WLS: variants seen among roughly 807,000 people sequenced by gnomAD.
The protein encoded by WLS is protein wntless homolog.
A neutral mutation model predicts 62.8 loss-of-function variants in WLS; 23 were observed. The observed-to-expected ratio is 0.37, with a 90% CI of 0.26 to 0.52. The LOEUF (loss-of-function observed/expected upper bound fraction) is 0.52. Ranked by LOEUF, WLS falls within the 20% of genes least tolerant of loss-of-function variation. The pLI, the probability that WLS is intolerant of heterozygous loss-of-function variation, is 0.92. For missense variants in WLS, 615 were observed against 697.3 expected (o/e 0.88, Z 1.33); for synonymous variants, 246 against 244.1 (o/e 1.01, Z -0.07).
intron 11 of WLS, among the ~76,000 whole-genome samples, chr1:68,111,160 T>G (rs1243803875): frequency 1.3e-5 from 2 of 152,234 alleles, no homozygotes; most frequent in Non-Finnish European, 1.5e-5. Flanking sequence ...TGTCTGTTGT[T>G]TAAGCCACTC....
In WLS at chr1:68,125,899, G is replaced by T; in HGVS notation, c.*327C>A. On this transcript the variant is annotated 3_prime_UTR_variant, in exon 12 of 12. Coordinates refer to ENST00000262348, the MANE Select transcript of WLS (RefSeq NM_024911.7). ...CCATTCGGCCCAAACCATCCCCCAA[G>T]GAATACACCCCCACCCCACCCCCAC... The T allele has an allele frequency of 9.4e-7, 1 of 1,062,910 alleles. No individual in the cohort carries two copies. The allele number at this position is 1,062,910 out of a possible 1,614,324, so 65.8% of individuals were successfully genotyped here. A position where few individuals can be genotyped will look rare whatever the true frequency, so the allele number is the denominator to read the frequency against.
intron 1 of WLS, chr1:68,231,722 T>C (rs1234455895): frequency 2.2e-6 from 1 of 460,786 alleles, no homozygotes; most frequent in Non-Finnish European, 4.3e-6. Flanking sequence ...ATCTCAGCCT[T>C]GTAACAGAGC....
At chr1:68,105,069 C>T (rs964804765) in intron 11 of WLS, among the ~76,000 whole-genome samples, 2 of 152,200 alleles carry the variant, frequency 1.3e-5, no homozygotes, top group African/African-American at 4.8e-5. Context: ...CTAATTTATC[C>T]AGACCAGCAT....
In WLS at chr1:68,231,047, GAAGT is replaced by G. The variant is rs147582252; in HGVS notation, c.106+1143_106+1146del. Reference sequence around the variant, plus strand: ...ACTCCGCAAAGTTTAACAAAGCCGTGAAGTAAGGAAACCGAACCTCCCGTCCGCG... The same window carrying G: ...ACTCCGCAAAGTTTAACAAAGCCGTGAAGGAAACCGAACCTCCCGTCCGCG... On this transcript the variant is annotated intron_variant, in intron 1 of 11. Transcript: ENST00000262348. Among the ~76,000 whole-genome samples the G allele has an allele frequency of 7.8e-3, 1,195 of 152,304 alleles. 15 individuals are homozygous for G. The highest frequency in any genetic ancestry group is 0.027 in the African/African-American group (1,140 of 41,570).
intron 8 of WLS, 73 bp from the exon 9 acceptor site, chr1:68,146,085 A>G: frequency 6.5e-7 from 1 of 1,535,394 alleles, no homozygotes. Context: ...CCTTCTCCCC[A>G]GGTCTGTTGG....
intron 2 of WLS, among the ~76,000 whole-genome samples, chr1:68,173,297 A>T (rs1367444): frequency 6.6e-6 from 1 of 152,168 alleles, no homozygotes; most frequent in Non-Finnish European, 1.5e-5. Context: ...ACAAACCTGA[A>T]AGCAAGTGAG....
At chr1:68,162,748 G>T in intron 2 of WLS, 1 of 1,126,286 alleles carries the variant, frequency 8.9e-7, no homozygotes, top group East Asian at 2.3e-5. Context: ...CTCGCTGGCA[G>T]CCTTGATGTC....
chr1:68,118,191 GATAA>G (rs1367706111), intron 11 of WLS, among the ~76,000 whole-genome samples: 1 of 152,156 alleles, frequency 6.6e-6, no homozygotes, highest in Non-Finnish European at 1.5e-5. Context: ...ACAGACAAAA[GATAA>G]ATATACTAAA....
chr1:68,180,156 TG>T (rs1460533466), intron 2 of WLS, among the ~76,000 whole-genome samples: 1 of 151,812 alleles, frequency 6.6e-6, no homozygotes, highest in Non-Finnish European at 1.5e-5. Flanking sequence ...GCCATCCTTA[TG>T]ATCCTCACCA....
intron 11 of WLS, among the ~76,000 whole-genome samples, chr1:68,132,612 C>T (rs555496025): frequency 7.2e-5 from 11 of 152,132 alleles, no homozygotes; most frequent in Non-Finnish European, 1.5e-4. Flanking sequence ...TTTTGCTCCC[C>T]GCAGAGTGGG....
At chr1:68,113,220 G>A (rs1265143569) in intron 11 of WLS, among the ~76,000 whole-genome samples, 1 of 152,216 alleles carries the variant, frequency 6.6e-6, no homozygotes, top group Non-Finnish European at 1.5e-5. Context: ...ATAGGTGGAG[G>A]CCTTATAGAT....
chr1:68,107,820 G>A (rs1217107597), intron 11 of WLS, among the ~76,000 whole-genome samples: 2 of 152,100 alleles, frequency 1.3e-5, no homozygotes, highest in African/African-American at 2.4e-5. Flanking sequence ...TGGGCACAAC[G>A]GTAGAAGCGG....
At chr1:68,206,087 T>C (rs1423261078) in intron 1 of WLS, among the ~76,000 whole-genome samples, 1 of 152,094 alleles carries the variant, frequency 6.6e-6, no homozygotes, top group Non-Finnish European at 1.5e-5. Flanking sequence ...TTGATTCACA[T>C]AGGATGTAAG....
intron 2 of WLS, among the ~76,000 whole-genome samples, chr1:68,171,570 C>G (rs1392369351): frequency 6.6e-6 from 1 of 152,226 alleles, no homozygotes; most frequent in Non-Finnish European, 1.5e-5. Flanking sequence ...AAAAGCTCAT[C>G]ATCACTGGTC....
chr1:68,177,192 T>C (rs750037636), intron 2 of WLS, among the ~76,000 whole-genome samples: 7 of 152,246 alleles, frequency 4.6e-5, no homozygotes, highest in Non-Finnish European at 1.0e-4. Flanking sequence ...ATTGCTTCAG[T>C]GCTGATCAGC....
At chr1:68,231,898 G>T (rs1439407236) in intron 1 of WLS, 4 of 445,264 alleles carry the variant, frequency 9.0e-6, no homozygotes, top group South Asian at 1.7e-5. Context: ...GTAACCCAGC[G>T]CTTCCTCGCG....
downstream of WLS, among the ~76,000 whole-genome samples, chr1:68,120,592 T>TG (rs1343368158): frequency 6.6e-6 from 1 of 152,204 alleles, no homozygotes; most frequent in African/African-American, 2.4e-5. Context: ...TCTCACTTCT[T>TG]GTGAAGTAAG....
chr1:68,118,845 C>CCAG (rs1646328065), intron 11 of WLS, among the ~76,000 whole-genome samples: 2 of 123,054 alleles, frequency 1.6e-5, no homozygotes, highest in Middle Eastern at 6.3e-3. Context: ...CCACTGCATT[C>CCAG]CAGCCTGGGT....
intron 11 of WLS, among the ~76,000 whole-genome samples, chr1:68,110,691 C>CTCTCTCTCTCTCTCTCTCTCTCT (rs1646216406): frequency 2.1e-5 from 3 of 143,158 alleles, no homozygotes; most frequent in African/African-American, 5.2e-5. Flanking sequence ...CTCTCTCTCT[C>CTCTCTCTCTCTCTCTCTCTCTCT]CATATATATA....
Sources: allele counts gnomAD v4.1 joint callset (sites outside exome capture counted in the v4.1 genomes callset), GRCh38; gene constraint gnomAD v4.1.1; transcripts MANE v1.5; gene names NCBI Gene and HGNC (gene_info 2026-07-23, HGNC 2026-07-21).